Variants in ANO1 observed in about 807,000 individuals in gnomAD.
ANO1 encodes anoctamin-1.
In ANO1, 59 loss-of-function variants were observed where a neutral mutation model predicts 124.0. That is an observed-to-expected ratio of 0.48 (90% CI 0.39 to 0.59). The LOEUF (loss-of-function observed/expected upper bound fraction) is 0.59. ANO1 is among the 20% of genes least tolerant of loss of function. ANO1 has a pLI of 0.00. For synonymous variants in ANO1, 529 were observed against 532.0 expected (o/e 0.99, Z 0.08); for missense variants, 1,059 against 1,328.0 (o/e 0.80, Z 3.15).
At chr11:69,987,046 T>C (rs1262511159) in intron 1 of ANO1, among the ~76,000 whole-genome samples, 1 of 152,148 alleles carries the variant, frequency 6.6e-6, no homozygotes, top group Non-Finnish European at 1.5e-5. Context: ...ACTTTTCTTC[T>C]TTTCGAATTC....
chr11:69,987,960 G>A (rs1447737804), intron 1 of ANO1, among the ~76,000 whole-genome samples: 1 of 152,150 alleles, frequency 6.6e-6, no homozygotes, highest in Non-Finnish European at 1.5e-5. Context: ...GCTGCACCTC[G>A]GCTGTGTGTG....
Position 70,156,159 on chromosome 11 carries a change from A to G in ANO1, c.1503+171A>G, listed in dbSNP as rs537349089. Reference sequence around the variant, plus strand: ...GCCCAGCATGTTGCGATGGCACTGCATGGCTATGGTGGGTCTGCGGTGGCG... The same window carrying G: ...GCCCAGCATGTTGCGATGGCACTGCGTGGCTATGGTGGGTCTGCGGTGGCG... On this transcript the variant is annotated intron_variant, in intron 15 of 25. Coordinates refer to ENST00000355303, the MANE Select transcript of ANO1 (RefSeq NM_018043.7). Among the ~76,000 whole-genome samples, 5 of 142,286 alleles carry G rather than the reference A, an allele frequency of 3.5e-5. No individual in the cohort carries two copies. The South Asian group carries it at 6.8e-4, about 19-fold the overall frequency. 93.3% of individuals were successfully genotyped at this position (142,286 alleles called of 152,430 possible).
intron 18 of ANO1, 147 bp downstream of exon 18, chr11:70,161,880 G>A: frequency 2.7e-6 from 2 of 746,916 alleles, no homozygotes; most frequent in East Asian, 2.6e-5. Flanking sequence ...GAGAAGGCCT[G>A]GGCCCTGCTG....
intron 1 of ANO1, among the ~76,000 whole-genome samples, chr11:70,043,263 T>C (rs1179448504): frequency 6.6e-5 from 10 of 151,884 alleles, no homozygotes. Context: ...ATTGAAGACA[T>C]AGCAATAGAA....
At chr11:70,111,608 C>A in intron 6 of ANO1, 99 bp from the exon 7 acceptor site, 2 of 1,166,946 alleles carry the variant, frequency 1.7e-6, no homozygotes, top group Non-Finnish European at 2.6e-6. Context: ...TTTTGAGAAG[C>A]TCTTAGTGGC....
intron 11 of ANO1, among the ~76,000 whole-genome samples, chr11:70,142,893 C>T (rs747327909): frequency 1.3e-5 from 2 of 152,162 alleles, no homozygotes; most frequent in African/African-American, 4.8e-5. Context: ...AATCCCATCA[C>T]GAGGACCCCA....
In ANO1 at chr11:70,010,179, G is replaced by GTATGTGTGTATATATATATATATATA. The variant is rs1188271051; in HGVS notation, c.58+24016_58+24017insGTGTGTATATATATATATATATATAT. The stretch of plus-strand genomic sequence containing the variant: ...TGTGTGTGTGTGCGCGTGTGTGTGT[G>GTATGTGTGTATATATATATATATATA]TATATATATATATATATATCACATT... On this transcript the variant is annotated intron_variant, in intron 1 of 27. Transcript: ENST00000531349. Among the ~76,000 whole-genome samples the GTATGTGTGTATATATATATATATATA allele has an allele frequency of 6.0e-4, 50 of 83,794 alleles. 3 individuals carry two copies. The highest frequency in any genetic ancestry group is 2.3e-3 in the African/African-American group (49 of 21,316). 55.0% of individuals were successfully genotyped at this position (83,794 alleles called of 152,430 possible). A position where few individuals can be genotyped will look rare whatever the true frequency, so the allele number is the denominator to read the frequency against.
At chr11:70,145,169 G>C (rs891354089) in intron 11 of ANO1, among the ~76,000 whole-genome samples, 1 of 152,162 alleles carries the variant, frequency 6.6e-6, no homozygotes, top group Non-Finnish European at 1.5e-5. Context: ...CCACTAGAAG[G>C]TGGTTCTTCA....
At chr11:70,170,168 G>A (rs1392718171) in intron 21 of ANO1, 4 of 456,012 alleles carry the variant, frequency 8.8e-6, no homozygotes, top group South Asian at 6.2e-5. Flanking sequence ...AGCCATGCAG[G>A]CAGGTCCCCC....
chr11:70,112,110 A>G (rs2045808228), intron 7 of ANO1, among the ~76,000 whole-genome samples: 2 of 152,208 alleles, frequency 1.3e-5, no homozygotes, highest in African/African-American at 2.4e-5. Context: ...CAGAATGACC[A>G]GGGCTCTGTA....
chr11:69,991,463 C>T (rs1471785465), intron 1 of ANO1, among the ~76,000 whole-genome samples: 3 of 152,208 alleles, frequency 2.0e-5, no homozygotes, highest in African/African-American at 4.8e-5. Context: ...GCCTGCCCCC[C>T]TGTCCTCTGT....
intron 22 of ANO1, among the ~76,000 whole-genome samples, chr11:70,177,443 G>A (rs905407645): frequency 2.6e-5 from 4 of 152,186 alleles, no homozygotes; most frequent in African/African-American, 9.6e-5. Flanking sequence ...GGAGGTCGCC[G>A]GGAGGCCTCA....
At chr11:70,002,572 A>G (rs1307022335) in intron 1 of ANO1, among the ~76,000 whole-genome samples, 1 of 152,042 alleles carries the variant, frequency 6.6e-6, no homozygotes, top group Non-Finnish European at 1.5e-5. Context: ...GCCACGCCAT[A>G]CAGCCTAGCT....
rs2509161 is a variant in ANO1 at position 70,126,794 on chromosome 11, G to A, written c.1097+599G>A. On this transcript the variant is annotated intron_variant, in intron 10 of 25. Transcript: ENST00000355303. The stretch of plus-strand genomic sequence containing the variant: ...GGCTGGCACTTGCGGGAGGTGAGAC[G>A]TGAATGCTAGAGGCCTCGGTACAGG... 3.8e-3 allele frequency among the ~76,000 whole-genome samples: 483 copies of A among 128,486 alleles called. 4 individuals carry two copies. The highest frequency in any genetic ancestry group is 0.011 in the Middle Eastern group (2 of 174). 84.3% of individuals were successfully genotyped at this position (128,486 alleles called of 152,430 possible).
At chr11:70,033,970 A>G (rs188871777) in intron 1 of ANO1, among the ~76,000 whole-genome samples, 20 of 151,322 alleles carry the variant, frequency 1.3e-4, no homozygotes, top group African/African-American at 4.4e-4. Flanking sequence ...TGGCCTATGG[A>G]TGGGAGTTTG....
intron 24 of ANO1, among the ~76,000 whole-genome samples, chr11:70,184,786 G>T (rs995543521): frequency 6.6e-6 from 1 of 152,148 alleles, no homozygotes; most frequent in Non-Finnish European, 1.5e-5. Context: ...TCACTTTGTG[G>T]CCCAGGCTGA....
chr11:70,143,485 A>G (rs1590846777), intron 11 of ANO1, among the ~76,000 whole-genome samples: 1 of 152,062 alleles, frequency 6.6e-6, no homozygotes, highest in Admixed American at 6.5e-5. Flanking sequence ...GGATGGAGGG[A>G]TGGTTGGAGA....
chr11:69,972,502 G>A, the ANO1 span, among the ~76,000 whole-genome samples: 4 of 152,126 alleles, frequency 2.6e-5, no homozygotes, highest in East Asian at 1.9e-4. Flanking sequence ...TGCTGTGTAC[G>A]TATTTCCTTT....
intron 1 of ANO1, among the ~76,000 whole-genome samples, chr11:69,995,114 T>TTTTC (rs1856242547): frequency 6.6e-6 from 1 of 151,522 alleles, no homozygotes; most frequent in Non-Finnish European, 1.5e-5. Flanking sequence ...TTTTTTTTTT[T>TTTTC]TTTGAGATGG....
Sources: allele counts gnomAD v4.1 joint callset (sites outside exome capture counted in the v4.1 genomes callset), GRCh38; gene constraint gnomAD v4.1.1; transcripts MANE v1.5; gene names NCBI Gene and HGNC (gene_info 2026-07-23, HGNC 2026-07-21).